The following FXYD2 variants were observed in gnomAD, a reference collection of about 807,000 sequenced individuals.
FXYD2 encodes sodium/potassium-transporting ATPase subunit gamma.
FXYD2 carries 8 observed loss-of-function variants against 11.8 expected under a neutral mutation model. The ratio of observed to expected loss-of-function variants is 0.68; its 90% CI spans 0.40 to 1.22. The LOEUF is 1.22. Ranked by LOEUF, FXYD2 falls within the 50% of genes most tolerant of loss-of-function variation. The pLI is 0.01. For missense variants in FXYD2, 92 were observed against 91.8 expected, an observed-to-expected ratio of 1.00 and a Z score of -0.01; for synonymous variants, 42 against 33.3, an observed-to-expected ratio of 1.26 and a Z score of -0.90.
At position 117,820,277 on chromosome 11, in the gene FXYD2, A is replaced by C. The variant is rs1343463969; in HGVS notation, c.*102T>G. Reference sequence around the variant, plus strand: ...CCCAAGCGCTGGCAGTGACGGGGACAAAGGTCTAAAGCCCAGGGAAGAAGG... The same window carrying C: ...CCCAAGCGCTGGCAGTGACGGGGACCAAGGTCTAAAGCCCAGGGAAGAAGG... On this transcript the variant is annotated 3_prime_UTR_variant, in exon 6 of 6. Coordinates refer to ENST00000292079, the MANE Select transcript of FXYD2 (RefSeq NM_001680.5). 4.1e-6 allele frequency: 1 copy of C among 245,626 alleles called. No individual in the cohort carries two copies. The highest frequency in any genetic ancestry group is 7.8e-6 in the Non-Finnish European group (1 of 128,064). 15.2% of individuals were successfully genotyped at this position (245,626 alleles called of 1,614,324 possible).
In FXYD2 at chr11:117,822,313, C is replaced by A; in HGVS notation, c.139+93G>T. 6.5e-7 allele frequency: 1 copy of A among 1,548,042 alleles called. No homozygotes were observed. Among genetic ancestry groups the A allele is most frequent in the East Asian group, 2.4e-5 (1 of 40,878 alleles). On this transcript the variant is annotated intron_variant, in intron 3 of 5. Transcript: ENST00000292079. This position sits in a 1 kb window ranked among gnomAD's most constrained non-coding sequence, Gnocchi z 4.7. Reference sequence around the variant, plus strand: ...GGGCGTGGTGGGGAGGCTCACCCCTCCCTTGGCAACTCCCGAAAGCCAGCC... The same window carrying A: ...GGGCGTGGTGGGGAGGCTCACCCCTACCTTGGCAACTCCCGAAAGCCAGCC...
rs12284500 is a variant in FXYD2 at position 117,824,033 on chromosome 11, A to G, written c.25+621T>C. 3,889 of 161,920 alleles carry G rather than the reference A, an allele frequency of 0.024. 154 individuals are homozygous for G. Among genetic ancestry groups the G allele is most frequent in the African/African-American group, 0.088 (3,688 of 41,688 alleles). 10.0% of individuals were successfully genotyped at this position (161,920 alleles called of 1,614,324 possible). ...GGATTTAAGTGTCAGAGCAACAGCTAGACGCCAGCTGAGGCTTCCCCACAC... is the reference window on the plus strand; with the variant it reads ...GGATTTAAGTGTCAGAGCAACAGCTGGACGCCAGCTGAGGCTTCCCCACAC... On this transcript the variant is annotated intron_variant, in intron 1 of 5. Transcript: ENST00000292079. The surrounding 1 kb of genome is among the most constrained non-coding windows in gnomAD (Gnocchi z 4.0).
Position 117,820,353 on chromosome 11 carries a change from A to G in FXYD2, c.*26T>C, listed in dbSNP as rs1591531696. On this transcript the variant is annotated 3_prime_UTR_variant, in exon 6 of 6. Transcript: ENST00000292079. ...TTGGCTTCCCAGCTGGCCCCAGTGC[A>G]GTGGGTGGCACCGCCGAGGCTGAGA... The G allele has an allele frequency of 2.2e-6, 1 of 454,628 alleles. No individual in the cohort carries two copies. Among genetic ancestry groups the G allele is most frequent in the East Asian group, 3.9e-5 (1 of 25,836 alleles). The allele number at this position is 454,628 out of a possible 1,614,324, so 28.2% of individuals were successfully genotyped here. A position where few individuals can be genotyped will look rare whatever the true frequency, so the allele number is the denominator to read the frequency against.
upstream of FXYD2, chr11:117,827,918 G>C: frequency 1.0e-6 from 1 of 978,300 alleles, no homozygotes; most frequent in Non-Finnish European, 1.6e-6. Context: ...GAGCTTGTGG[G>C]TGCACTTGAA....
Position 117,822,510 on chromosome 11 carries a change from A to T in FXYD2, c.65-30T>A. 6.4e-7 allele frequency: 1 copy of T among 1,556,602 alleles called. No individual in the cohort carries two copies. The highest frequency in any genetic ancestry group is 2.4e-5 in the East Asian group (1 of 41,744). On this transcript the variant is annotated intron_variant, in intron 2 of 5. Coordinates refer to ENST00000292079, the MANE Select transcript of FXYD2 (RefSeq NM_001680.5). This position sits in a 1 kb window ranked among gnomAD's most constrained non-coding sequence, Gnocchi z 4.7. ...GGAAAGAGAGGGCAAGAGGAGCGGGATGGGTGGTCTCTCCCAGCAGCTGTC... is the reference window on the plus strand; with the variant it reads ...GGAAAGAGAGGGCAAGAGGAGCGGGTTGGGTGGTCTCTCCCAGCAGCTGTC...
chr11:117,820,420 TGGGG>T (rs2055869660), intron 5 of FXYD2, 48 bp from the exon 6 acceptor site: 28 of 574,470 alleles, frequency 4.9e-5, no homozygotes, highest in Non-Finnish European at 8.0e-5. Context: ...CAGCAGAGGT[TGGGG>T]TTTTACTTCC....
In FXYD2 at chr11:117,821,124, G is replaced by A. The variant is rs577153602; in HGVS notation, c.140-229C>T. 6.0e-4 allele frequency: 265 copies of A among 442,330 alleles called. 1 individual carries two copies. Among genetic ancestry groups the A allele is most frequent in the Non-Finnish European group, 7.9e-4 (219 of 277,570 alleles). The allele number at this position is 442,330 out of a possible 1,614,324, so 27.4% of individuals were successfully genotyped here. A position where few individuals can be genotyped will look rare whatever the true frequency, so the allele number is the denominator to read the frequency against. The stretch of plus-strand genomic sequence containing the variant: ...CAGGCTGGAGTGCAGTGGTGGGATC[G>A]TAGCTCACTGCAGCCTCAAACTCCT... On this transcript the variant is annotated intron_variant, in intron 3 of 5. Transcript: ENST00000292079.
chr11:117,826,754 ATCTGTCTG>A (rs61440081), upstream of FXYD2, among the ~76,000 whole-genome samples: 14,753 of 143,276 alleles, frequency 0.1, 796 homozygotes, highest in Middle Eastern at 0.12. Flanking sequence ...AAATAAATTC[ATCTGTCTG>A]TCTGTCTGTC....
At chr11:117,824,762 G>A, upstream of FXYD2, 1 of 1,560,542 alleles carries the variant, frequency 6.4e-7, no homozygotes, top group East Asian at 2.3e-5. The surrounding 1 kb of genome is among the most constrained non-coding windows in gnomAD (Gnocchi z 4.0). Flanking sequence ...TCCACGGGGT[G>A]GCCGGGGACG....
intron 4 of FXYD2, 56 bp downstream of exon 4, chr11:117,820,803 C>G: frequency 6.2e-7 from 1 of 1,613,740 alleles, no homozygotes; most frequent in Admixed American, 1.7e-5. Context: ...AATCCTCAGC[C>G]CGCCCCTCCT....
chr11:117,823,305 AC>A (rs2055955938), intron 1 of FXYD2, among the ~76,000 whole-genome samples: 3 of 152,318 alleles, frequency 2.0e-5, no homozygotes, highest in East Asian at 3.9e-4. Flanking sequence ...GCAAAAACTA[AC>A]AAACCCTAAC....
At chr11:117,826,329 G>A (rs530620329), upstream of FXYD2, among the ~76,000 whole-genome samples, 7 of 152,214 alleles carry the variant, frequency 4.6e-5, no homozygotes, top group South Asian at 4.2e-4. Context: ...ATATATATTC[G>A]TGCAAACATC....
intron 3 of FXYD2, chr11:117,821,505 C>A (rs1427298426): frequency 1.0e-6 from 1 of 986,106 alleles, no homozygotes; most frequent in Non-Finnish European, 1.2e-6. Context: ...CATGGTGCCC[C>A]CAGCACAGCT....
At chr11:117,823,739 A>G (rs1398190201) in intron 1 of FXYD2, among the ~76,000 whole-genome samples, 6 of 152,212 alleles carry the variant, frequency 3.9e-5, no homozygotes, top group African/African-American at 1.4e-4. Context: ...GTGGAGCCCG[A>G]GGAGGAAGGA....
rs535588993 is a variant in FXYD2 at position 117,822,721 on chromosome 11, G to T, written c.26-4C>A. The T allele has an allele frequency of 6.2e-7, 1 of 1,609,410 alleles. No individual in the cohort carries two copies. Among genetic ancestry groups the T allele is most frequent in the East Asian group, 2.2e-5 (1 of 44,716 alleles). ...ACGTCCCCCTTGGGGCTGCCGCCTA[G>T]GAGAGAGCCAGAGGTGGGATGAGAG... is the stretch of plus-strand genomic sequence containing the variant. On this transcript the variant is annotated splice_region_variant and splice_polypyrimidine_tract_variant and intron_variant, in intron 1 of 5. Transcript: ENST00000292079. This position sits in a 1 kb window ranked among gnomAD's most constrained non-coding sequence, Gnocchi z 4.7.
In FXYD2 at chr11:117,822,792, G is replaced by A. The variant is rs2055941231; in HGVS notation, c.26-75C>T. ...GCCACAGGAACAGCTGGAATTCCCT[G>A]TCCTTCCCTTCCCAGAGGACCCTCG... On this transcript the variant is annotated intron_variant, in intron 1 of 5. Transcript: ENST00000292079. This position sits in a 1 kb window ranked among gnomAD's most constrained non-coding sequence, Gnocchi z 4.7. The A allele has an allele frequency of 1.3e-6, 2 of 1,568,728 alleles. No individual in the cohort carries two copies. The highest frequency in any genetic ancestry group is 2.7e-5 in the African/African-American group (2 of 74,554).
intron 3 of FXYD2, chr11:117,821,231 A>C (rs944174504): frequency 1.9e-4 from 108 of 577,476 alleles, no homozygotes; most frequent in Non-Finnish European, 2.4e-4. Flanking sequence ...TAATTAAAAA[A>C]ATTTTTTTTT....
chr11:117,820,703 G>T lies in FXYD2; in HGVS notation c.177-7C>A, dbSNP rs1433339655. On this transcript the variant is annotated splice_polypyrimidine_tract_variant and splice_region_variant and intron_variant, in intron 4 of 5. Coordinates refer to ENST00000292079, the MANE Select transcript of FXYD2 (RefSeq NM_001680.5). ...CTCATCTTCATTGATTTGCCTGGTG[G>T]GGGAAGGAAAAGCAACAGGTGAGAG... The T allele has an allele frequency of 6.2e-7, 1 of 1,614,032 alleles. No homozygotes were observed. Among genetic ancestry groups the T allele is most frequent in the Non-Finnish European group, 8.5e-7 (1 of 1,180,000 alleles).
chr11:117,826,073 T>C (rs1024664437), upstream of FXYD2, among the ~76,000 whole-genome samples: 2 of 152,166 alleles, frequency 1.3e-5, no homozygotes, highest in African/African-American at 4.8e-5. Context: ...AGTGAGATAA[T>C]GCATGCAAAG....
Sources: allele counts gnomAD v4.1 joint callset (sites outside exome capture counted in the v4.1 genomes callset), GRCh38; gene constraint gnomAD v4.1.1; non-coding constraint Gnocchi (gnomAD v3.1); transcripts MANE v1.5; gene names NCBI Gene and HGNC (gene_info 2026-07-23, HGNC 2026-07-21).